Variants in APBA2 observed in about 807,000 individuals in gnomAD.
APBA2 encodes the protein amyloid-beta A4 precursor protein-binding family A member 2.
Under a neutral mutation model 75.0 loss-of-function variants are expected in APBA2, and 30 were observed. The ratio of observed to expected loss-of-function variants is 0.40; its 90% confidence interval spans 0.30 to 0.54. The LOEUF is 0.54. Among genes scored for constraint, APBA2 ranks in the 20% least tolerant of loss-of-function variants. The pLI is 0.49. For missense variants in APBA2, 801 were observed against 1,016.1 expected (o/e 0.79, Z 2.88); for synonymous variants, 444 against 409.6 (o/e 1.08, Z -1.01).
chr15:28,886,923 G>C (rs2031779611), intron 1 of APBA2, among the ~76,000 whole-genome samples: 1 of 152,242 alleles, frequency 6.6e-6, no homozygotes, highest in Non-Finnish European at 1.5e-5. Flanking sequence ...GCTGGCGGGA[G>C]ATCTGGCTGC....
At chr15:29,036,143 A>AC (rs1432193037) in intron 3 of APBA2, among the ~76,000 whole-genome samples, 2 of 150,876 alleles carry the variant, frequency 1.3e-5, no homozygotes, top group East Asian at 2.0e-4. Flanking sequence ...CAGAGCCCTC[A>AC]CCCCCCTATG....
intron 2 of APBA2, among the ~76,000 whole-genome samples, chr15:28,958,713 T>C (rs1034659776): frequency 2.0e-5 from 3 of 152,176 alleles, no homozygotes; most frequent in African/African-American, 7.2e-5. Context: ...CCAGTGCTTA[T>C]CAAATCCAGA....
chr15:28,994,808 A>T (rs1234003368), intron 2 of APBA2, among the ~76,000 whole-genome samples: 1 of 152,074 alleles, frequency 6.6e-6, no homozygotes, highest in African/African-American at 2.4e-5. Context: ...TTCCCCAGTG[A>T]ATGGGGCTCT....
chr15:29,022,398 C>T lies in APBA2; in HGVS notation c.-41+26592C>T, dbSNP rs186010105. Among the ~76,000 whole-genome samples the T allele has an allele frequency of 5.1e-3, 774 of 152,178 alleles. 2 individuals are homozygous for T. Among genetic ancestry groups the T allele is most frequent in the Middle Eastern group, 0.02 (6 of 294 alleles). On this transcript the variant is annotated intron_variant, in intron 3 of 14. Coordinates refer to ENST00000683413, the MANE Select transcript of APBA2 (RefSeq NM_001353788.2). ...CTTTTCCTTGATGATTTTTTATTGTCTTATTTAAGAAGGGCTTCCTTATAC... is the reference window on the plus strand; with the variant it reads ...CTTTTCCTTGATGATTTTTTATTGTTTTATTTAAGAAGGGCTTCCTTATAC...
chr15:29,020,718 G>A (rs894791502), intron 3 of APBA2, among the ~76,000 whole-genome samples: 2 of 152,054 alleles, frequency 1.3e-5, no homozygotes, highest in Admixed American at 6.5e-5. Context: ...GCTGGGGCAG[G>A]AGAATTGCTT....
intron 6 of APBA2, among the ~76,000 whole-genome samples, chr15:29,089,915 A>G (rs935463350): frequency 5.3e-5 from 8 of 152,208 alleles, no homozygotes; most frequent in Non-Finnish European, 1.0e-4. Flanking sequence ...GACTTGAGCA[A>G]AATAACAGCA....
intron 1 of APBA2, chr15:28,919,260 C>G (rs1416061508): frequency 2.0e-5 from 3 of 152,362 alleles, no homozygotes; most frequent in Non-Finnish European, 4.4e-5. Flanking sequence ...GGGAAGGAGG[C>G]AGGATGCCAC....
rs2045324639 is a variant in APBA2, at chr15:29,118,116, C to T, written c.*983C>T. 1 of 152,634 alleles carries T rather than the reference C, an allele frequency of 6.6e-6. No individual in the cohort carries two copies. The highest frequency in any genetic ancestry group is 1.5e-5 in the Non-Finnish European group (1 of 68,054). The allele number at this position is 152,634 out of a possible 1,614,324, so 9.5% of individuals were successfully genotyped here. On this transcript the variant is annotated 3_prime_UTR_variant, in exon 15 of 15. Coordinates refer to ENST00000683413, the MANE Select transcript of APBA2 (RefSeq NM_001353788.2). ...AGTCCAGCTCGGTTCATTAGCGATC[C>T]ATGTAATCTGACGTCATCTTGTCTC...
chr15:28,981,381 A>G (rs1450390571), intron 2 of APBA2, among the ~76,000 whole-genome samples: 1 of 152,230 alleles, frequency 6.6e-6, no homozygotes, highest in Non-Finnish European at 1.5e-5. Flanking sequence ...AAAACAGGTA[A>G]GAAGCCAACA....
intron 3 of APBA2, among the ~76,000 whole-genome samples, chr15:29,045,995 A>T (rs2041307685): frequency 6.6e-6 from 1 of 152,162 alleles, no homozygotes; most frequent in South Asian, 2.1e-4. Flanking sequence ...AGGAGTATGC[A>T]GTTAAAGTAA....
At chr15:29,101,985 G>A (rs190902456) in intron 10 of APBA2, 2 of 636,182 alleles carry the variant, frequency 3.1e-6, no homozygotes, top group Non-Finnish European at 5.6e-6. Context: ...CTTGAAATAG[G>A]TTCTTCAGGA....
chr15:28,898,391 G>T (rs1254142200), intron 1 of APBA2, among the ~76,000 whole-genome samples: 2 of 152,260 alleles, frequency 1.3e-5, no homozygotes, highest in African/African-American at 4.8e-5. Context: ...AGGGCACACT[G>T]TACGGCAGGC....
intron 1 of APBA2, among the ~76,000 whole-genome samples, chr15:28,894,298 G>A (rs1372221787): frequency 2.6e-5 from 4 of 152,192 alleles, no homozygotes; most frequent in East Asian, 1.9e-4. Context: ...AGCAGCTACT[G>A]TATTCCAGCT....
At chr15:29,023,870 T>C (rs1177107594) in intron 3 of APBA2, among the ~76,000 whole-genome samples, 1 of 151,828 alleles carries the variant, frequency 6.6e-6, no homozygotes, top group African/African-American at 2.4e-5. Context: ...GTTGTTAGCA[T>C]TTTATTATAT....
intron 2 of APBA2, among the ~76,000 whole-genome samples, chr15:28,985,219 G>A (rs2037856408): frequency 6.6e-6 from 1 of 152,230 alleles, no homozygotes; most frequent in Admixed American, 6.5e-5. Flanking sequence ...CACGGCTGCT[G>A]TGCTCTGTGG....
intron 3 of APBA2, among the ~76,000 whole-genome samples, chr15:29,038,336 A>G (rs12439061): frequency 0.074 from 11,275 of 152,202 alleles, 929 homozygotes; most frequent in East Asian, 0.21. Context: ...CTACTTGGGA[A>G]TTCACAGAAC....
chr15:29,047,772 A>G (rs1260218147), intron 3 of APBA2, among the ~76,000 whole-genome samples: 1 of 152,242 alleles, frequency 6.6e-6, no homozygotes, highest in Non-Finnish European at 1.5e-5. Flanking sequence ...GAAAAACATT[A>G]TCAACTAAAA....
At position 29,081,873 on chromosome 15, in the gene APBA2, T is replaced by C. The variant is rs143386497; in HGVS notation, c.1069+5782T>C. On this transcript the variant is annotated intron_variant, in intron 6 of 14. Coordinates refer to ENST00000683413, the MANE Select transcript of APBA2 (RefSeq NM_001353788.2). ...GTGGCTACGCCTTTGTGTTTGGGTGTGGGTTCTTTTATGGAGGCGGTTCCT... is the reference window on the plus strand; with the variant it reads ...GTGGCTACGCCTTTGTGTTTGGGTGCGGGTTCTTTTATGGAGGCGGTTCCT... Among the ~76,000 whole-genome samples the C allele has an allele frequency of 2.1e-3, 314 of 152,312 alleles. 1 individual carries two copies. Among genetic ancestry groups the C allele is most frequent in the African/African-American group, 6.6e-3 (273 of 41,554 alleles).
At chr15:29,083,607 T>G (rs923350799) in intron 6 of APBA2, among the ~76,000 whole-genome samples, 8 of 152,232 alleles carry the variant, frequency 5.3e-5, no homozygotes, top group African/African-American at 1.9e-4. Context: ...CTTGGCTCAC[T>G]GCAACCTTCG....
Sources: gnomAD v4.1 joint callset for allele counts (sites outside exome capture counted in the v4.1 genomes callset) on GRCh38, gnomAD v4.1.1 for gene constraint, MANE v1.5 for transcripts, NCBI Gene and HGNC (gene_info 2026-07-23, HGNC 2026-07-21) for gene names.